Variants in SLC4A10 observed in about 807,000 individuals in gnomAD.
The protein encoded by SLC4A10 is sodium-driven chloride bicarbonate exchanger.
In SLC4A10, 42 loss-of-function variants were observed where a neutral mutation model predicts 137.7. The ratio of observed to expected loss-of-function variants is 0.30; its 90% CI spans 0.24 to 0.39. The LOEUF is 0.39. Ranked by LOEUF, SLC4A10 falls within the 10% of genes least tolerant of loss-of-function variation. The pLI is 1.00. For synonymous variants in SLC4A10, 474 were observed against 464.1 expected, an observed-to-expected ratio of 1.02 and a Z score of -0.27; for missense variants, 925 against 1,355.0, an observed-to-expected ratio of 0.68 and a Z score of 4.98.
chr2:161,699,058 C>T (rs540158340), intron 1 of SLC4A10, among the ~76,000 whole-genome samples: 110 of 152,156 alleles, frequency 7.2e-4, no homozygotes, highest in Non-Finnish European at 1.3e-3. Flanking sequence ...CTCGCTCTGT[C>T]GCCCAGGCTG....
At chr2:161,647,554 C>G (rs771719897) in intron 1 of SLC4A10, among the ~76,000 whole-genome samples, 4 of 151,768 alleles carry the variant, frequency 2.6e-5, no homozygotes, top group South Asian at 2.1e-4. Flanking sequence ...ATTTTAAAGC[C>G]AACTTAGAAT....
chr2:161,944,919 A>C (rs1693459012), intron 16 of SLC4A10, among the ~76,000 whole-genome samples: 1 of 151,380 alleles, frequency 6.6e-6, no homozygotes, highest in Admixed American at 6.6e-5. Flanking sequence ...AAATAGTGAC[A>C]TAACATTTAA....
chr2:161,734,238 A>G (rs2047099884), intron 1 of SLC4A10, among the ~76,000 whole-genome samples: 1 of 152,194 alleles, frequency 6.6e-6, no homozygotes, highest in Non-Finnish European at 1.5e-5. Flanking sequence ...TTCCCACCCA[A>G]ATCTCATCTG....
intron 15 of SLC4A10, among the ~76,000 whole-genome samples, chr2:161,933,771 A>T (rs1691058146): frequency 6.6e-6 from 1 of 152,162 alleles, no homozygotes; most frequent in South Asian, 2.1e-4. Flanking sequence ...TACTGTGAAT[A>T]AATGCTACAG....
At chr2:161,835,621 G>A (rs1261949516) in intron 3 of SLC4A10, among the ~76,000 whole-genome samples, 1 of 152,120 alleles carries the variant, frequency 6.6e-6, no homozygotes, top group East Asian at 1.9e-4. Flanking sequence ...TGAGAAATTT[G>A]CCCCTGAATT....
chr2:161,637,052 TA>T (rs1189988914), intron 1 of SLC4A10, among the ~76,000 whole-genome samples: 70 of 141,234 alleles, frequency 5.0e-4, no homozygotes, highest in African/African-American at 1.7e-3. Context: ...TATATAGATA[TA>T]TATGTATATA....
intron 11 of SLC4A10, among the ~76,000 whole-genome samples, chr2:161,895,701 T>C (rs1433077172): frequency 6.6e-6 from 1 of 152,238 alleles, no homozygotes; most frequent in East Asian, 1.9e-4. Context: ...TTTGGCTGCA[T>C]AAATGTCTTC....
chr2:161,775,332 CA>C (rs1559222227), intron 2 of SLC4A10, among the ~76,000 whole-genome samples: 2 of 151,746 alleles, frequency 1.3e-5, no homozygotes, highest in African/African-American at 2.4e-5. Flanking sequence ...AAAGGAGTAC[CA>C]GGGGTAGTTA....
In SLC4A10 at chr2:161,903,991, C is replaced by T. The variant is rs957304069; in HGVS notation, c.1443-13C>T. The T allele has an allele frequency of 6.4e-7, 1 of 1,552,722 alleles. No individual in the cohort carries two copies. Among genetic ancestry groups the T allele is most frequent in the East Asian group, 2.4e-5 (1 of 42,502 alleles). On this transcript the variant is annotated splice_polypyrimidine_tract_variant and intron_variant, in intron 12 of 26. Transcript: ENST00000446997. ...ATTTGGGTTTCACTATTGTGTTTTCCCCCCTGTCTTAGGATTTTTGGGGGA... is the reference window on the plus strand; with the variant it reads ...ATTTGGGTTTCACTATTGTGTTTTCTCCCCTGTCTTAGGATTTTTGGGGGA...
intron 1 of SLC4A10, among the ~76,000 whole-genome samples, chr2:161,757,614 A>G (rs1459590313): frequency 6.6e-6 from 1 of 152,136 alleles, no homozygotes; most frequent in African/African-American, 2.4e-5. Context: ...TCACGTGGCT[A>G]AATAAGTAAG....
chr2:161,915,753 G>A (rs1399512342), intron 15 of SLC4A10, among the ~76,000 whole-genome samples: 1 of 152,202 alleles, frequency 6.6e-6, no homozygotes, highest in East Asian at 1.9e-4. Flanking sequence ...CAAGGGTTGA[G>A]CAGGGTGGGC....
chr2:161,798,960 C>A (rs895350494), intron 2 of SLC4A10, among the ~76,000 whole-genome samples: 1 of 149,630 alleles, frequency 6.7e-6, no homozygotes, highest in African/African-American at 2.5e-5. Context: ...TAGTTCTGAG[C>A]CTGAATTGTG....
intron 5 of SLC4A10, among the ~76,000 whole-genome samples, chr2:161,860,049 G>A (rs2060344704): frequency 6.6e-6 from 1 of 152,122 alleles, no homozygotes; most frequent in African/African-American, 2.4e-5. Flanking sequence ...TATTGTAGTG[G>A]TGAAAAGAAC....
chr2:161,857,641 T>G (rs1304451831), intron 5 of SLC4A10, among the ~76,000 whole-genome samples: 2 of 152,192 alleles, frequency 1.3e-5, no homozygotes, highest in Non-Finnish European at 2.9e-5. Flanking sequence ...ATTTTCTTAT[T>G]TTTTACTTCT....
chr2:161,889,444 C>T (rs1167464892), intron 10 of SLC4A10, among the ~76,000 whole-genome samples: 1 of 152,050 alleles, frequency 6.6e-6, no homozygotes, highest in South Asian at 2.1e-4. Flanking sequence ...CTATTAATTA[C>T]TAACTCAATT....
intron 3 of SLC4A10, among the ~76,000 whole-genome samples, chr2:161,813,839 A>G (rs1188316910): frequency 2.0e-5 from 3 of 152,144 alleles, no homozygotes; most frequent in Non-Finnish European, 4.4e-5. Context: ...AGTGGTTCTC[A>G]ATAATGACTG....
intron 2 of SLC4A10, among the ~76,000 whole-genome samples, chr2:161,793,247 A>G (rs1169990914): frequency 6.6e-6 from 1 of 152,168 alleles, no homozygotes; most frequent in African/African-American, 2.4e-5. Context: ...GAATAACTAA[A>G]TATAGCTAAT....
At chr2:161,791,684 T>C (rs983089379) in intron 2 of SLC4A10, among the ~76,000 whole-genome samples, 1 of 152,216 alleles carries the variant, frequency 6.6e-6, no homozygotes, top group Non-Finnish European at 1.5e-5. Flanking sequence ...AACTCTCAGA[T>C]GTTCCATGTT....
intron 11 of SLC4A10, among the ~76,000 whole-genome samples, chr2:161,895,907 C>T (rs1314237946): frequency 3.3e-5 from 5 of 151,786 alleles, no homozygotes; most frequent in Non-Finnish European, 5.9e-5. Flanking sequence ...TGCAGAAGCT[C>T]TTTAGTTTAA....
Sources: allele counts gnomAD v4.1 joint callset (sites outside exome capture counted in the v4.1 genomes callset), GRCh38; gene constraint gnomAD v4.1.1; transcripts MANE v1.5; gene names NCBI Gene and HGNC (gene_info 2026-07-23, HGNC 2026-07-21).